The following TBXAS1 variants were observed in gnomAD, a reference collection of about 807,000 sequenced individuals.
TBXAS1 encodes thromboxane-A synthase.
TBXAS1 carries 48 observed loss-of-function variants against 60.7 expected under a neutral mutation model. That is an observed-to-expected ratio of 0.79 (90% CI 0.63 to 1.01). TBXAS1 has a LOEUF of 1.01. TBXAS1 is among the 50% of genes least tolerant of loss of function. The pLI is 0.00. For missense variants in TBXAS1, 685 were observed against 686.3 expected, an observed-to-expected ratio of 1.00 and a Z score of 0.02; for synonymous variants, 287 against 269.7, an observed-to-expected ratio of 1.06 and a Z score of -0.63.
chr7:139,889,206 C>G (rs184982197), intron 3 of TBXAS1, among the ~76,000 whole-genome samples: 1 of 151,450 alleles, frequency 6.6e-6, no homozygotes, highest in African/African-American at 2.4e-5. Flanking sequence ...GTGGCATGTG[C>G]GCCTGTTGTC....
intron 9 of TBXAS1, among the ~76,000 whole-genome samples, chr7:139,984,946 A>AAAAG (rs111228602): frequency 0.16 from 22,239 of 141,706 alleles, 2,455 homozygotes; most frequent in African/African-American, 0.3. Flanking sequence ...GAAAGAAAAG[A>AAAAG]AAAGAAAGAA....
At chr7:139,944,164 G>A (rs1335326753) in intron 5 of TBXAS1, among the ~76,000 whole-genome samples, 1 of 152,224 alleles carries the variant, frequency 6.6e-6, no homozygotes, top group Non-Finnish European at 1.5e-5. Context: ...TTGAGCATCA[G>A]AAGCCACTTT....
chr7:139,845,847 A>G (rs1236518105), intron 1 of TBXAS1, among the ~76,000 whole-genome samples: 1 of 141,660 alleles, frequency 7.1e-6, no homozygotes, highest in Non-Finnish European at 1.5e-5. Context: ...TTTTTTAGAC[A>G]GGGTCTTACT....
At chr7:139,948,404 T>C (rs567923968) in intron 5 of TBXAS1, among the ~76,000 whole-genome samples, 38 of 152,264 alleles carry the variant, frequency 2.5e-4, no homozygotes, top group African/African-American at 8.9e-4. Context: ...TAACCTTAAT[T>C]ACTTCCTTAG....
intron 9 of TBXAS1, among the ~76,000 whole-genome samples, chr7:139,974,425 A>G (rs1232340732): frequency 6.6e-6 from 1 of 152,098 alleles, no homozygotes; most frequent in Non-Finnish European, 1.5e-5. Context: ...CTGACCAAAG[A>G]GCATATGCCT....
intron 8 of TBXAS1, 152 bp downstream of exon 8, chr7:139,957,916 A>G: frequency 8.3e-7 from 1 of 1,208,878 alleles, no homozygotes; most frequent in Non-Finnish European, 1.2e-6. Flanking sequence ...GACAGTGGAG[A>G]GAACAGAGGA....
intron 6 of TBXAS1, 76 bp from the exon 7 acceptor site, chr7:139,955,383 T>C: frequency 6.3e-7 from 1 of 1,580,846 alleles, no homozygotes; most frequent in South Asian, 1.1e-5. Flanking sequence ...ATTCAGGCCC[T>C]CCTCCTCTGG....
rs377610103 is a variant in TBXAS1, at chr7:139,956,629, C to T, written c.689-1005C>T. On this transcript the variant is annotated intron_variant, in intron 7 of 12. Transcript: ENST00000448866. ...ACCAGTTTCATTCCCGTTTCTGAGC[C>T]GATGTCCATGGGAGCCCGTCACCTC... Among the ~76,000 whole-genome samples the T allele has an allele frequency of 5.6e-4, 86 of 152,350 alleles. 2 individuals carry two copies. The East Asian group carries it at 0.01, about 18-fold the overall frequency.
At chr7:139,987,872 C>T (rs564314987) in intron 9 of TBXAS1, among the ~76,000 whole-genome samples, 67 of 152,324 alleles carry the variant, frequency 4.4e-4, no homozygotes, top group South Asian at 1.4e-3. Context: ...TTGGGGGCCA[C>T]GGGAACCTCC....
chr7:139,993,940 G>A (rs1813117537), intron 9 of TBXAS1, among the ~76,000 whole-genome samples: 1 of 146,160 alleles, frequency 6.8e-6, no homozygotes, highest in Non-Finnish European at 1.5e-5. Context: ...TGCCACCCAG[G>A]CTGGAGGGCA....
rs1810288143 is a variant in TBXAS1 at position 139,960,982 on chromosome 7, T to C, written c.820-937T>C. 2.0e-5 allele frequency among the ~76,000 whole-genome samples: 3 copies of C among 152,218 alleles called. No individual in the cohort carries two copies. In the South Asian group the frequency reaches 6.2e-4, roughly 31 times the overall value. The stretch of plus-strand genomic sequence containing the variant: ...AAAGAGCATTTCAAAGAAGGGATGT[T>C]CTAGGAATAAGCTTTGTTAACACAG... On this transcript the variant is annotated intron_variant, in intron 8 of 12. Transcript: ENST00000448866.
intron 9 of TBXAS1, among the ~76,000 whole-genome samples, chr7:140,001,682 G>A (rs1392453986): frequency 2.0e-5 from 3 of 152,156 alleles, no homozygotes; most frequent in Non-Finnish European, 2.9e-5. Flanking sequence ...GTGAGCCACC[G>A]TGACTGGCCG....
At chr7:139,934,364 T>C (rs745930366) in intron 4 of TBXAS1, among the ~76,000 whole-genome samples, 1 of 152,006 alleles carries the variant, frequency 6.6e-6, no homozygotes, top group African/African-American at 2.4e-5. Flanking sequence ...AATTTTTGTA[T>C]TTTAGTAGAG....
intron 8 of TBXAS1, among the ~76,000 whole-genome samples, chr7:139,961,708 C>G (rs1469493349): frequency 3.3e-5 from 5 of 152,188 alleles, no homozygotes; most frequent in African/African-American, 1.2e-4. Flanking sequence ...CTCTTCACTG[C>G]CCCAGAACCT....
chr7:139,898,413 C>CTTTTTTTTTTTTTTTTTTTTTT (rs71170921), intron 3 of TBXAS1, among the ~76,000 whole-genome samples: 1 of 82,222 alleles, frequency 1.2e-5, no homozygotes, highest in African/African-American at 4.9e-5. Context: ...ACGTGCATGG[C>CTTTTTTTTTTTTTTTTTTTTTT]TTTTTTTTTT....
intron 5 of TBXAS1, 76 bp downstream of exon 5, chr7:139,936,383 T>C (rs1807794001): frequency 5.0e-6 from 7 of 1,398,828 alleles, no homozygotes; most frequent in Admixed American, 3.3e-5. Flanking sequence ...GAGAGCCAGT[T>C]CATGTTGCAT....
intron 1 of TBXAS1, among the ~76,000 whole-genome samples, chr7:139,869,370 C>T (rs1801656122): frequency 6.6e-6 from 1 of 152,000 alleles, no homozygotes; most frequent in Non-Finnish European, 1.5e-5. Flanking sequence ...TGAGGGGCCC[C>T]TGTACTTCAG....
Position 139,975,885 on chromosome 7 carries a change from A to G in TBXAS1, c.1134+13652A>G, listed in dbSNP as rs1437208874. Among the ~76,000 whole-genome samples, 2 of 152,164 alleles carry G rather than the reference A, an allele frequency of 1.3e-5. No individual in the cohort carries two copies. The highest frequency in any genetic ancestry group is 1.9e-4 in the East Asian group (1 of 5,192). On this transcript the variant is annotated intron_variant, in intron 9 of 12. Coordinates refer to ENST00000448866, the MANE Select transcript of TBXAS1 (RefSeq NM_001061.7). This position sits in a 1 kb window ranked among gnomAD's most constrained non-coding sequence, Gnocchi z 4.4. The stretch of plus-strand genomic sequence containing the variant: ...CCTACCTCCCTGACGCTTAACCCAC[A>G]TAGGGAAGAACATTCCTGAAACAGA...
At chr7:139,881,369 G>A (rs1364395962) in intron 3 of TBXAS1, among the ~76,000 whole-genome samples, 1 of 151,544 alleles carries the variant, frequency 6.6e-6, no homozygotes, top group South Asian at 2.1e-4. Context: ...CATTTTTCTA[G>A]TTTCTTTAAA....
Sources: gnomAD v4.1 joint callset for allele counts (sites outside exome capture counted in the v4.1 genomes callset) on GRCh38, gnomAD v4.1.1 for gene constraint, Gnocchi (gnomAD v3.1) non-coding constraint, MANE v1.5 for transcripts, NCBI Gene and HGNC (gene_info 2026-07-23, HGNC 2026-07-21) for gene names.